The following PTPRD variants were observed in gnomAD, a reference collection of about 807,000 sequenced individuals.
PTPRD encodes the protein receptor-type tyrosine-protein phosphatase delta.
PTPRD carries 34 observed loss-of-function variants against 214.5 expected under a neutral mutation model. That is an observed-to-expected ratio of 0.16 (90% CI 0.12 to 0.21). The LOEUF is 0.21. PTPRD is among the 10% of genes least tolerant of loss of function. The probability of loss-of-function intolerance (pLI) is 1.00; values close to 1 mark genes in which losing one functional copy is unlikely to be tolerated. For missense variants in PTPRD, 2,545 were observed against 2,398.7 expected (o/e 1.06, Z -1.27); for synonymous variants, 1,128 against 845.7 (o/e 1.33, Z -5.79).
intron 11 of PTPRD, among the ~76,000 whole-genome samples, chr9:8,915,765 A>G (rs2098781339): frequency 6.6e-6 from 1 of 152,182 alleles, no homozygotes. Flanking sequence ...GAAAGGGTCT[A>G]CTTAGGCTTT....
intron 12 of PTPRD, among the ~76,000 whole-genome samples, chr9:8,676,304 C>T (rs1419967362): frequency 6.6e-6 from 1 of 151,962 alleles, no homozygotes; most frequent in Non-Finnish European, 1.5e-5. Context: ...CCTTAAGGAG[C>T]TTACCCTCCA....
chr9:9,822,420 T>G (rs959212287), intron 5 of PTPRD, among the ~76,000 whole-genome samples: 1 of 147,706 alleles, frequency 6.8e-6, no homozygotes, highest in African/African-American at 2.5e-5. Context: ...AAAAAATATA[T>G]AATATATACA....
rs185328910 is a variant in PTPRD, at chr9:9,465,386, T to C, written c.-236-67904A>G. ...TCCCTCCTAGGCATAAACAAGATGG[T>C]ATTTTATAAGGCTAAGAGCCAAAAA... On this transcript the variant is annotated intron_variant, in intron 8 of 45. Transcript: ENST00000381196. Among the ~76,000 whole-genome samples, 5 of 152,306 alleles carry C rather than the reference T, an allele frequency of 3.3e-5. No homozygotes were observed. The East Asian group carries it at 9.7e-4, about 29-fold the overall frequency.
intron 12 of PTPRD, among the ~76,000 whole-genome samples, chr9:8,674,750 G>A (rs1488983156): frequency 6.6e-6 from 1 of 152,112 alleles, no homozygotes; most frequent in Non-Finnish European, 1.5e-5. Context: ...TACATTCAGA[G>A]AGGAAAAAAA....
chr9:9,202,187 T>C (rs1439329258), intron 9 of PTPRD, among the ~76,000 whole-genome samples: 1 of 152,214 alleles, frequency 6.6e-6, no homozygotes, highest in Non-Finnish European at 1.5e-5. Flanking sequence ...TCAGCAGTAG[T>C]AACAACGATT....
chr9:8,322,963 T>A (rs1829919931), intron 44 of PTPRD, among the ~76,000 whole-genome samples: 1 of 152,070 alleles, frequency 6.6e-6, no homozygotes, highest in South Asian at 2.1e-4. Context: ...TATACTCAAG[T>A]GAAAGGAAGA....
chr9:10,030,902 G>T (rs2097052957), intron 4 of PTPRD, among the ~76,000 whole-genome samples: 1 of 152,186 alleles, frequency 6.6e-6, no homozygotes, highest in Non-Finnish European at 1.5e-5. Flanking sequence ...TCTTCATTGT[G>T]TTCTGGGAAA....
chr9:10,054,326 C>T (rs964014048), intron 3 of PTPRD, among the ~76,000 whole-genome samples: 2 of 152,154 alleles, frequency 1.3e-5, no homozygotes, highest in African/African-American at 2.4e-5. Context: ...ATGCGTCTCT[C>T]ATTCATGAGG....
At chr9:9,788,770 G>A (rs1229240311) in intron 5 of PTPRD, among the ~76,000 whole-genome samples, 2 of 151,864 alleles carry the variant, frequency 1.3e-5, no homozygotes, top group Non-Finnish European at 2.9e-5. Flanking sequence ...AACCAAATCT[G>A]GCCATATTTT....
intron 14 of PTPRD, among the ~76,000 whole-genome samples, chr9:8,572,424 A>C (rs2091407019): frequency 6.6e-6 from 1 of 152,068 alleles, no homozygotes; most frequent in Non-Finnish European, 1.5e-5. Flanking sequence ...TTCTGACCTG[A>C]GTCCACAGGG....
rs528773485 is a variant in PTPRD, at chr9:10,591,891, A to G, written c.-600+20507T>C. Among the ~76,000 whole-genome samples the G allele has an allele frequency of 2.8e-3, 433 of 152,264 alleles. 6 individuals are homozygous for G. Among genetic ancestry groups the G allele is most frequent in the Non-Finnish European group, 4.6e-3 (311 of 68,002 alleles). On this transcript the variant is annotated intron_variant, in intron 2 of 45. Coordinates refer to ENST00000381196, the MANE Select transcript of PTPRD (RefSeq NM_002839.4). ...ATTGTAGTTGAGACATGGATCCTCC[A>G]GACTGAGTCAGTCCTGACGTGGCTA... is the stretch of plus-strand genomic sequence containing the variant.
chr9:9,202,540 T>C (rs1330915728), intron 9 of PTPRD, among the ~76,000 whole-genome samples: 2 of 152,304 alleles, frequency 1.3e-5, no homozygotes, highest in East Asian at 3.9e-4. Context: ...TTACATCAGA[T>C]GCAAGCTTGA....
chr9:9,819,858 G>A (rs929926848), intron 5 of PTPRD, among the ~76,000 whole-genome samples: 29 of 152,098 alleles, frequency 1.9e-4, no homozygotes, highest in Non-Finnish European at 3.4e-4. Flanking sequence ...AGTATTCATG[G>A]TATATATGTA....
At chr9:9,138,308 T>C (rs1180077757) in intron 10 of PTPRD, among the ~76,000 whole-genome samples, 5 of 152,120 alleles carry the variant, frequency 3.3e-5, no homozygotes, top group African/African-American at 1.2e-4. Context: ...GAGAGTTAAG[T>C]ATAATTATTT....
At chr9:9,069,760 T>C (rs1235608143) in intron 10 of PTPRD, among the ~76,000 whole-genome samples, 1 of 152,232 alleles carries the variant, frequency 6.6e-6, no homozygotes, top group Non-Finnish European at 1.5e-5. Flanking sequence ...GTATACCTCT[T>C]AATTTAATAT....
intron 8 of PTPRD, among the ~76,000 whole-genome samples, chr9:9,569,527 G>C (rs553556190): frequency 6.6e-6 from 1 of 151,726 alleles, no homozygotes; most frequent in African/African-American, 2.4e-5. Context: ...AAAGGCTTTA[G>C]TAAGCTTAAA....
intron 14 of PTPRD, among the ~76,000 whole-genome samples, chr9:8,581,139 G>C (rs1438831010): frequency 2.0e-5 from 3 of 152,022 alleles, no homozygotes; most frequent in African/African-American, 4.8e-5. Flanking sequence ...CTGGAACAGA[G>C]AGTCAAGTTA....
At chr9:8,710,416 G>C (rs924990555) in intron 12 of PTPRD, among the ~76,000 whole-genome samples, 1 of 152,066 alleles carries the variant, frequency 6.6e-6, no homozygotes, top group Non-Finnish European at 1.5e-5. Flanking sequence ...ATGAGTTTGA[G>C]ACCAGCCTGG....
intron 3 of PTPRD, among the ~76,000 whole-genome samples, chr9:10,174,246 G>A (rs990201930): frequency 6.6e-6 from 1 of 152,142 alleles, no homozygotes; most frequent in Non-Finnish European, 1.5e-5. Context: ...TTTGGGTCCT[G>A]GGGGAGGATA....
Sources: allele counts gnomAD v4.1 joint callset (sites outside exome capture counted in the v4.1 genomes callset), GRCh38; gene constraint gnomAD v4.1.1; transcripts MANE v1.5; gene names NCBI Gene and HGNC (gene_info 2026-07-23, HGNC 2026-07-21).